Variants in ERC2 observed in about 807,000 individuals in gnomAD.
ERC2 encodes the protein ERC protein 2.
A neutral mutation model predicts 114.8 loss-of-function variants in ERC2; 42 were observed. The ratio of observed to expected loss-of-function variants is 0.37; its 90% CI spans 0.29 to 0.47. ERC2 has a LOEUF of 0.47. ERC2 is among the 20% of genes least tolerant of loss of function. ERC2 has a pLI of 0.99. For missense variants in ERC2, 939 were observed against 1,150.7 expected (o/e 0.82, Z 2.66); for synonymous variants, 454 against 425.5 (o/e 1.07, Z -0.82).
chr3:56,380,523 T>C (rs2059708680), intron 2 of ERC2, among the ~76,000 whole-genome samples: 1 of 152,012 alleles, frequency 6.6e-6, no homozygotes, highest in African/African-American at 2.4e-5. Context: ...TTCGCTCTAT[T>C]TGGACCCACG....
chr3:56,184,554 T>C (rs376459753), intron 3 of ERC2, among the ~76,000 whole-genome samples: 1 of 152,104 alleles, frequency 6.6e-6, no homozygotes, highest in East Asian at 1.9e-4. Context: ...TACCGCCCCA[T>C]GGAAAAGGTG....
chr3:56,042,459 G>A (rs897843932), intron 7 of ERC2, among the ~76,000 whole-genome samples: 18 of 152,134 alleles, frequency 1.2e-4, no homozygotes, highest in South Asian at 2.1e-4. Context: ...TGAACCAGCC[G>A]TTTAAAACAC....
intron 2 of ERC2, among the ~76,000 whole-genome samples, chr3:56,320,917 AGCTAGGGAAGTCT>A (rs911369395): frequency 3.3e-5 from 5 of 152,186 alleles, no homozygotes; most frequent in African/African-American, 1.2e-4. Flanking sequence ...TTCAGGGTTT[AGCTAGGGAAGTCT>A]GCCCATTGTA....
At chr3:56,423,197 A>G (rs1307359668) in intron 2 of ERC2, among the ~76,000 whole-genome samples, 1 of 152,254 alleles carries the variant, frequency 6.6e-6, no homozygotes, top group African/African-American at 2.4e-5. Flanking sequence ...TTTTTATATC[A>G]TCATTTTTAC....
At chr3:55,629,942 T>C (rs2059676947) in intron 17 of ERC2, among the ~76,000 whole-genome samples, 1 of 152,122 alleles carries the variant, frequency 6.6e-6, no homozygotes, top group Non-Finnish European at 1.5e-5. Flanking sequence ...TCAGAGGTCC[T>C]GCGTGGCAAT....
intron 7 of ERC2, among the ~76,000 whole-genome samples, chr3:56,045,377 C>T (rs935174118): frequency 7.9e-5 from 12 of 152,106 alleles, no homozygotes. Flanking sequence ...TTTTCTTTGA[C>T]CTGTGCATTT....
intron 2 of ERC2, among the ~76,000 whole-genome samples, chr3:56,335,227 T>C (rs1254690072): frequency 2.6e-5 from 4 of 152,242 alleles, no homozygotes; most frequent in Non-Finnish European, 5.9e-5. Context: ...GTGGATATTC[T>C]ATTCAACTAT....
At chr3:56,207,556 T>C (rs1313113354) in intron 3 of ERC2, among the ~76,000 whole-genome samples, 1 of 152,214 alleles carries the variant, frequency 6.6e-6, no homozygotes, top group Non-Finnish European at 1.5e-5. Context: ...GGCATTAAAA[T>C]ATTCCATCTC....
At chr3:55,559,319 C>A (rs1011121959) in intron 17 of ERC2, among the ~76,000 whole-genome samples, 1 of 152,238 alleles carries the variant, frequency 6.6e-6, no homozygotes, top group African/African-American at 2.4e-5. Flanking sequence ...GAGAAGAAAG[C>A]ACCCAAAGTG....
At chr3:56,134,920 G>GTT (rs147281232) in intron 6 of ERC2, among the ~76,000 whole-genome samples, 128 of 143,078 alleles carry the variant, frequency 8.9e-4, no homozygotes, top group Admixed American at 2.5e-3. Flanking sequence ...CTTTTTTTTT[G>GTT]TTTTTTTTTG....
intron 10 of ERC2, among the ~76,000 whole-genome samples, chr3:55,999,208 T>C (rs2071838158): frequency 6.6e-6 from 1 of 152,140 alleles, no homozygotes; most frequent in Non-Finnish European, 1.5e-5. Context: ...GAAGATAACC[T>C]GCACAGTGTT....
At chr3:55,574,418 G>A (rs2107535014) in intron 17 of ERC2, among the ~76,000 whole-genome samples, 1 of 152,198 alleles carries the variant, frequency 6.6e-6, no homozygotes, top group South Asian at 2.1e-4. Flanking sequence ...GTACAGAATG[G>A]ACCTTCCTAG....
intron 3 of ERC2, among the ~76,000 whole-genome samples, chr3:56,289,129 C>T (rs572305302): frequency 1.3e-5 from 2 of 152,160 alleles, no homozygotes; most frequent in Non-Finnish European, 2.9e-5. Flanking sequence ...TCAACACATT[C>T]GAAGTCTTCC....
At chr3:55,635,203 A>G (rs968978704) in intron 17 of ERC2, among the ~76,000 whole-genome samples, 1 of 151,602 alleles carries the variant, frequency 6.6e-6, no homozygotes, top group African/African-American at 2.4e-5. Context: ...TTTTTCTACA[A>G]ATCCTTTTTT....
chr3:56,375,962 T>C (rs2106645963), intron 2 of ERC2, among the ~76,000 whole-genome samples: 1 of 152,260 alleles, frequency 6.6e-6, no homozygotes, highest in South Asian at 2.1e-4. Flanking sequence ...TAACAGCCCA[T>C]GAGAAACTGA....
chr3:55,966,354 T>C (rs1402235945), intron 12 of ERC2, among the ~76,000 whole-genome samples: 1 of 152,132 alleles, frequency 6.6e-6, no homozygotes, highest in Non-Finnish European at 1.5e-5. Context: ...GATGGCAATG[T>C]TTCTAGAGCT....
intron 14 of ERC2, among the ~76,000 whole-genome samples, chr3:55,812,441 C>T (rs4260395): frequency 2.6e-5 from 4 of 152,036 alleles, no homozygotes; most frequent in South Asian, 2.1e-4. Flanking sequence ...TAATCCATCA[C>T]GCAAATACTT....
intron 7 of ERC2, among the ~76,000 whole-genome samples, chr3:56,023,064 G>A (rs2073825358): frequency 6.6e-6 from 1 of 152,116 alleles, no homozygotes; most frequent in Non-Finnish European, 1.5e-5. Flanking sequence ...TTAACTCTGG[G>A]CTTGCAAAGC....
intron 17 of ERC2, among the ~76,000 whole-genome samples, chr3:55,577,788 A>C (rs965006387): frequency 2.6e-5 from 4 of 152,120 alleles, no homozygotes; most frequent in African/African-American, 9.7e-5. Context: ...GGCTTCATGT[A>C]ACCTCCATGT....
Sources: gnomAD v4.1 joint callset for allele counts (sites outside exome capture counted in the v4.1 genomes callset) on GRCh38, gnomAD v4.1.1 for gene constraint, MANE v1.5 for transcripts, NCBI Gene and HGNC (gene_info 2026-07-23, HGNC 2026-07-21) for gene names.